Variants in IFT46 observed in about 807,000 individuals in gnomAD.
The protein encoded by IFT46 is intraflagellar transport protein 46 homolog.
In IFT46, 19 loss-of-function variants were observed where a neutral mutation model predicts 39.6. The ratio of observed to expected loss-of-function variants is 0.48; its 90% confidence interval spans 0.33 to 0.70. The LOEUF (loss-of-function observed/expected upper bound fraction) is 0.70, where lower values mean the gene tolerates loss of function less well. Ranked by LOEUF, IFT46 falls within the 30% of genes least tolerant of loss-of-function variation. The pLI is 0.01. For synonymous variants in IFT46, 117 were observed against 134.8 expected (o/e 0.87, Z 0.91); for missense variants, 334 against 364.8 (o/e 0.92, Z 0.69).
intron 9 of IFT46, among the ~76,000 whole-genome samples, chr11:118,551,331 C>T (rs1244640820): frequency 6.6e-6 from 1 of 151,958 alleles, no homozygotes; most frequent in Non-Finnish European, 1.5e-5. Flanking sequence ...TGAGATCATG[C>T]CACTGCACTC....
chr11:118,552,137 CTCT>C, intron 8 of IFT46, 74 bp downstream of exon 8: 1 of 1,555,148 alleles, frequency 6.4e-7, no homozygotes, highest in Non-Finnish European at 8.8e-7. Context: ...GCCTCTGGGC[CTCT>C]TCTCAGGAGC....
intron 9 of IFT46, chr11:118,546,096 C>T (rs1951677789): frequency 2.8e-6 from 2 of 718,228 alleles, no homozygotes; most frequent in Admixed American, 4.0e-5. Flanking sequence ...GGCCTTAATC[C>T]AGTATGACTG....
chr11:118,575,468 T>TAGA (rs1938473333), upstream of IFT46, among the ~76,000 whole-genome samples: 1 of 151,926 alleles, frequency 6.6e-6, no homozygotes, highest in Non-Finnish European at 1.5e-5. Flanking sequence ...TGTTTTAGAA[T>TAGA]AGAAATGTGA....
intron 2 of IFT46, chr11:118,560,647 C>G: frequency 2.0e-6 from 1 of 502,084 alleles, no homozygotes; most frequent in Non-Finnish European, 3.7e-6. Flanking sequence ...GCTGGGCCGG[C>G]AGGTCTCTGT....
chr11:118,552,372 G>A, intron 7 of IFT46, 37 bp from the exon 8 acceptor site: 1 of 1,609,334 alleles, frequency 6.2e-7, no homozygotes, highest in Non-Finnish European at 8.5e-7. Context: ...TGATGGCACT[G>A]AAGTAGCTCT....
intron 10 of IFT46, 50 bp from the exon 11 acceptor site, chr11:118,545,544 T>C: frequency 6.9e-7 from 1 of 1,457,494 alleles, no homozygotes; most frequent in Middle Eastern, 1.7e-4. Context: ...ACTCCGGGAA[T>C]TAGAGGCCCT....
At chr11:118,556,554 C>T (rs1425204918) in intron 4 of IFT46, among the ~76,000 whole-genome samples, 3 of 152,090 alleles carry the variant, frequency 2.0e-5, no homozygotes, top group East Asian at 1.9e-4. Context: ...TGGTCTTGAA[C>T]GCCCAGCCTT....
At chr11:118,558,076 A>G (rs7929887) in intron 3 of IFT46, among the ~76,000 whole-genome samples, 24,664 of 152,198 alleles carry the variant, frequency 0.16, 2,547 homozygotes, top group East Asian at 0.5. Context: ...AACTGCTTTT[A>G]GTCACATTTT....
upstream of IFT46, among the ~76,000 whole-genome samples, chr11:118,575,974 GT>G (rs150069695): frequency 0.17 from 23,727 of 143,228 alleles, 2,288 homozygotes; most frequent in East Asian, 0.51. Flanking sequence ...CACTGTAGTT[GT>G]TTTTTTTTTT....
chr11:118,556,308 G>A (rs1037037313), intron 4 of IFT46, among the ~76,000 whole-genome samples: 3 of 152,248 alleles, frequency 2.0e-5, no homozygotes, highest in East Asian at 1.9e-4. Flanking sequence ...TGGCTAACAC[G>A]GTGAAACCTC....
At chr11:118,559,759 A>G in intron 3 of IFT46, 26 bp downstream of exon 3, 1 of 1,596,052 alleles carries the variant, frequency 6.3e-7, no homozygotes. Flanking sequence ...CAGAAATTCT[A>G]CAAGAAGCTG....
intron 4 of IFT46, 26 bp from the exon 5 acceptor site, chr11:118,555,348 G>A (rs782220462): frequency 3.1e-6 from 5 of 1,588,136 alleles, no homozygotes; most frequent in Admixed American, 1.7e-5. Context: ...CAGTTTGTTC[G>A]AGGTGGCCAG....
At chr11:118,560,247 CAA>C (rs1166824002) in intron 2 of IFT46, 2,936 of 128,406 alleles carry the variant, frequency 0.023, 91 homozygotes, top group African/African-American at 0.077. Flanking sequence ...ATCCCATCTA[CAA>C]AAAAAAAAAA....
intron 4 of IFT46, 112 bp downstream of exon 4, chr11:118,556,780 GAAAATCCTAAATAC>G: frequency 8.2e-7 from 1 of 1,218,496 alleles, no homozygotes; most frequent in South Asian, 2.3e-5. Flanking sequence ...TGAGACATCT[GAAAATCCTAAATAC>G]AGGAGATCAA....
rs538187192 is a variant in IFT46, at chr11:118,545,911, ACTCT to A, written c.673-62_673-59del. ...GGATGGTGTCAGTGGTCCCAGAACC[ACTCT>A]CTCTCTCTGAAGCAAAAGAGCTTCT... On this transcript the variant is annotated intron_variant, in intron 9 of 11. Coordinates refer to ENST00000264021, the MANE Select transcript of IFT46 (RefSeq NM_001168618.2). 3.0e-4 allele frequency: 427 copies of A among 1,441,154 alleles called. 1 individual carries two copies. The highest frequency in any genetic ancestry group is 3.9e-4 in the Non-Finnish European group (399 of 1,023,096). The allele number at this position is 1,441,154 out of a possible 1,614,324, so 89.3% of individuals were successfully genotyped here. A position where few individuals can be genotyped will look rare whatever the true frequency, so the allele number is the denominator to read the frequency against.
intron 2 of IFT46, among the ~76,000 whole-genome samples, 178 bp downstream of exon 2, chr11:118,564,787 T>G (rs1034156573): frequency 6.6e-6 from 1 of 152,082 alleles, no homozygotes; most frequent in South Asian, 2.1e-4. Context: ...TGGGGGAAGA[T>G]CCTGTAATTT....
chr11:118,551,866 G>C lies in IFT46; in HGVS notation c.606-14C>G. The C allele has an allele frequency of 1.9e-6, 3 of 1,612,080 alleles. No individual in the cohort carries two copies. In the South Asian group the frequency reaches 3.3e-5, roughly 18 times the overall value. On this transcript the variant is annotated splice_polypyrimidine_tract_variant and intron_variant, in intron 8 of 11. Transcript: ENST00000264021. The stretch of plus-strand genomic sequence containing the variant: ...TCGGGCATGGGCCTAAAAGTATAAA[G>C]GTAAATATGAACAAGAAACGTGAAC...
chr11:118,562,547 CTTTT>C lies in IFT46; in HGVS notation c.-36+2414_-36+2417del, dbSNP rs1244214867. 3.3e-5 allele frequency among the ~76,000 whole-genome samples: 5 copies of C among 152,192 alleles called. No individual in the cohort carries two copies. The East Asian group carries it at 5.8e-4, about 18-fold the overall frequency. On this transcript the variant is annotated intron_variant, in intron 2 of 11. Coordinates refer to ENST00000264021, the MANE Select transcript of IFT46 (RefSeq NM_001168618.2). ...ATATCAAATAAATGCAAATTAAACC[CTTTT>C]TTTATTTACTAAATTAGCCCAAATT...
chr11:118,572,737 C>T (rs1012598818), exon 1 of IFT46: 2 of 580,634 alleles, frequency 3.4e-6, no homozygotes, highest in African/African-American at 1.9e-5. Context: ...GGAGCTGACT[C>T]CAGTCCATCT....
Sources: allele counts gnomAD v4.1 joint callset (sites outside exome capture counted in the v4.1 genomes callset), GRCh38; gene constraint gnomAD v4.1.1; transcripts MANE v1.5; gene names NCBI Gene and HGNC (gene_info 2026-07-23, HGNC 2026-07-21).